SRGAP1: variants seen among roughly 807,000 people sequenced by gnomAD.
SRGAP1 encodes SLIT-ROBO Rho GTPase-activating protein 1.
SRGAP1 carries 43 observed loss-of-function variants against 121.9 expected under a neutral mutation model. The ratio of observed to expected loss-of-function variants is 0.35; its 90% CI spans 0.28 to 0.46. The LOEUF (loss-of-function observed/expected upper bound fraction) is 0.46. Ranked by LOEUF, SRGAP1 falls within the 20% of genes least tolerant of loss-of-function variation. The probability of loss-of-function intolerance (pLI) is 1.00; values close to 1 mark genes in which losing one functional copy is unlikely to be tolerated. For synonymous variants in SRGAP1, 447 were observed against 485.4 expected (o/e 0.92, Z 1.04); for missense variants, 1,102 against 1,350.9 (o/e 0.82, Z 2.89).
At chr12:64,141,011 C>T (rs2036948655) in intron 21 of SRGAP1, among the ~76,000 whole-genome samples, 3 of 121,398 alleles carry the variant, frequency 2.5e-5, no homozygotes, top group South Asian at 6.0e-4. Context: ...TCTCAGTAAA[C>T]TATCGCAAGA....
At chr12:63,912,451 T>C (rs2030545976) in intron 1 of SRGAP1, among the ~76,000 whole-genome samples, 1 of 151,922 alleles carries the variant, frequency 6.6e-6, no homozygotes, top group East Asian at 1.9e-4. Flanking sequence ...TCTAAAAATA[T>C]TAAAAATAAA....
chr12:64,116,880 G>T (rs960395405), intron 18 of SRGAP1, among the ~76,000 whole-genome samples: 2 of 152,212 alleles, frequency 1.3e-5, no homozygotes, highest in Non-Finnish European at 2.9e-5. Flanking sequence ...ACCTGGGGAA[G>T]CATCAGGAGG....
At chr12:63,938,327 T>A (rs57138272) in intron 1 of SRGAP1, among the ~76,000 whole-genome samples, 1,990 of 152,246 alleles carry the variant, frequency 0.013, 45 homozygotes, top group African/African-American at 0.045. Context: ...GGAGCCCTTG[T>A]AGAGGTGGAA....
chr12:63,937,171 C>G (rs1208210895), intron 1 of SRGAP1, among the ~76,000 whole-genome samples: 1 of 152,142 alleles, frequency 6.6e-6, no homozygotes, highest in Non-Finnish European at 1.5e-5. Context: ...ATTGGTTGGT[C>G]ATGATAACTG....
intron 12 of SRGAP1, chr12:64,091,993 C>T (rs752276747): frequency 1.8e-5 from 24 of 1,320,268 alleles, no homozygotes; most frequent in Non-Finnish European, 2.4e-5. Flanking sequence ...CGTGCTCATG[C>T]TTGGCTTTAA....
At chr12:63,903,473 T>C (rs2030037679) in intron 1 of SRGAP1, among the ~76,000 whole-genome samples, 1 of 152,198 alleles carries the variant, frequency 6.6e-6, no homozygotes, top group Admixed American at 6.5e-5. Flanking sequence ...CTTGAACTCC[T>C]GACTTCAAGT....
At chr12:63,979,660 T>C (rs927532135) in intron 1 of SRGAP1, among the ~76,000 whole-genome samples, 6 of 152,238 alleles carry the variant, frequency 3.9e-5, no homozygotes, top group African/African-American at 1.4e-4. Flanking sequence ...GAAGGACCTG[T>C]GTCTTACAAA....
intron 1 of SRGAP1, chr12:63,983,586 C>A (rs1461207591): frequency 6.6e-6 from 1 of 151,556 alleles, no homozygotes; most frequent in Non-Finnish European, 1.5e-5. Flanking sequence ...CAGTGACTCA[C>A]GCCTGTAATC....
At chr12:64,027,296 T>C (rs2034673985) in intron 4 of SRGAP1, among the ~76,000 whole-genome samples, 1 of 152,132 alleles carries the variant, frequency 6.6e-6, no homozygotes, top group Non-Finnish European at 1.5e-5. Flanking sequence ...GCCCACATGC[T>C]GTACTCCCTT....
chr12:63,858,131 C>G (rs1398751434), intron 1 of SRGAP1, among the ~76,000 whole-genome samples: 1 of 151,020 alleles, frequency 6.6e-6, no homozygotes. Context: ...TATAGATTTC[C>G]TAATATTTAA....
At chr12:64,015,701 C>G (rs1470119707) in intron 3 of SRGAP1, among the ~76,000 whole-genome samples, 1 of 152,192 alleles carries the variant, frequency 6.6e-6, no homozygotes, top group Non-Finnish European at 1.5e-5. Context: ...ATTCTGCATT[C>G]TTGGTGCCCA....
chr12:63,994,027 T>A (rs936293374), intron 3 of SRGAP1, among the ~76,000 whole-genome samples: 1 of 152,222 alleles, frequency 6.6e-6, no homozygotes, highest in African/African-American at 2.4e-5. Context: ...AATCCTGGCT[T>A]TACCACTGTT....
intron 1 of SRGAP1, among the ~76,000 whole-genome samples, chr12:63,920,442 G>A (rs1464403453): frequency 1.3e-5 from 2 of 152,196 alleles, no homozygotes; most frequent in East Asian, 1.9e-4. Flanking sequence ...TTGGGAAGGA[G>A]TGGAGAGGCT....
At chr12:64,096,102 A>G (rs565967331) in intron 14 of SRGAP1, among the ~76,000 whole-genome samples, 2 of 152,336 alleles carry the variant, frequency 1.3e-5, no homozygotes, top group African/African-American at 4.8e-5. Flanking sequence ...GGCCATCTTC[A>G]GGGTAAGCTG....
chr12:63,932,883 T>C (rs979118269), intron 1 of SRGAP1, among the ~76,000 whole-genome samples: 1 of 152,320 alleles, frequency 6.6e-6, no homozygotes, highest in African/African-American at 2.4e-5. Flanking sequence ...TATGCCTGTG[T>C]TGTTGCTAGA....
chr12:64,008,837 TTTGCTTAGTCCC>T (rs1255995307), intron 3 of SRGAP1, among the ~76,000 whole-genome samples: 1 of 152,152 alleles, frequency 6.6e-6, no homozygotes, highest in African/African-American at 2.4e-5. Context: ...TGCTTGTTGA[TTTGCTTAGTCCC>T]TAGGTTTTTC....
intron 1 of SRGAP1, among the ~76,000 whole-genome samples, chr12:63,885,506 G>A (rs1054192519): frequency 6.6e-6 from 1 of 152,178 alleles, no homozygotes; most frequent in Non-Finnish European, 1.5e-5. Flanking sequence ...TGACAACCAT[G>A]TAGAAATGTG....
At chr12:63,929,664 CTG>C (rs2031397335) in intron 1 of SRGAP1, among the ~76,000 whole-genome samples, 1 of 151,396 alleles carries the variant, frequency 6.6e-6, no homozygotes, top group African/African-American at 2.4e-5. Context: ...AATTCTGACA[CTG>C]TGTAACAGGC....
intron 1 of SRGAP1, among the ~76,000 whole-genome samples, chr12:63,899,203 G>A (rs1021169662): frequency 4.6e-5 from 7 of 152,052 alleles, no homozygotes; most frequent in Admixed American, 4.6e-4. Context: ...GCAACATAGT[G>A]AAACCTTGTC....
Sources: allele counts gnomAD v4.1 joint callset (sites outside exome capture counted in the v4.1 genomes callset), GRCh38; gene constraint gnomAD v4.1.1; transcripts MANE v1.5; gene names NCBI Gene and HGNC (gene_info 2026-07-23, HGNC 2026-07-21).